TACR1: variants seen among roughly 807,000 people sequenced by gnomAD.
The protein encoded by TACR1 is substance-P receptor.
TACR1 carries 25 observed loss-of-function variants against 35.8 expected under a neutral mutation model. The ratio of observed to expected loss-of-function variants is 0.70; its 90% confidence interval spans 0.51 to 0.98. The LOEUF is 0.98. TACR1 is among the 50% of genes least tolerant of loss of function. TACR1 has a pLI of 0.00. For missense variants in TACR1, 478 were observed against 522.9 expected (o/e 0.91, Z 0.84); for synonymous variants, 195 against 206.7 (o/e 0.94, Z 0.48).
chr2:75,122,200 G>T (rs1461148855), intron 1 of TACR1, among the ~76,000 whole-genome samples: 4 of 152,170 alleles, frequency 2.6e-5, no homozygotes, highest in Non-Finnish European at 5.9e-5. Flanking sequence ...GGGAGCTGCG[G>T]AGACACTCAA....
chr2:75,128,667 T>C (rs914628095), intron 1 of TACR1, among the ~76,000 whole-genome samples: 9 of 152,138 alleles, frequency 5.9e-5, no homozygotes, highest in Non-Finnish European at 1.0e-4. Context: ...TTTTTCTCCC[T>C]GAAAAGAGCA....
At chr2:75,125,134 C>T (rs1385247807) in intron 1 of TACR1, among the ~76,000 whole-genome samples, 1 of 152,012 alleles carries the variant, frequency 6.6e-6, no homozygotes, top group South Asian at 2.1e-4. Flanking sequence ...CTTGTGCTGA[C>T]CACGCTTCAC....
At chr2:75,162,808 AT>A (rs1040042140) in intron 1 of TACR1, among the ~76,000 whole-genome samples, 3 of 152,336 alleles carry the variant, frequency 2.0e-5, no homozygotes, top group Non-Finnish European at 4.4e-5. Context: ...TGACTCAAAA[AT>A]TTTGTTGATG....
At chr2:75,072,343 T>C (rs1672898509) in intron 2 of TACR1, among the ~76,000 whole-genome samples, 1 of 152,198 alleles carries the variant, frequency 6.6e-6, no homozygotes, top group Non-Finnish European at 1.5e-5. Context: ...AGAGAAGTGC[T>C]GAAAGATCGC....
chr2:75,158,545 T>C (rs181620989), intron 1 of TACR1, among the ~76,000 whole-genome samples: 1 of 152,318 alleles, frequency 6.6e-6, no homozygotes, highest in East Asian at 1.9e-4. Flanking sequence ...AATCTGTTAG[T>C]AGTTAGCAGC....
chr2:75,133,879 T>C (rs1674226727), intron 1 of TACR1, among the ~76,000 whole-genome samples: 1 of 152,140 alleles, frequency 6.6e-6, no homozygotes, highest in Non-Finnish European at 1.5e-5. Flanking sequence ...TACAGTTCAT[T>C]AAGACCTTGC....
intron 2 of TACR1, among the ~76,000 whole-genome samples, chr2:75,095,162 A>G (rs571079122): frequency 1.3e-5 from 2 of 152,072 alleles, no homozygotes; most frequent in South Asian, 4.1e-4. Flanking sequence ...AATGTCTGGT[A>G]TCTGTTTAAC....
At chr2:75,142,188 G>C (rs1003332078) in intron 1 of TACR1, among the ~76,000 whole-genome samples, 1 of 152,126 alleles carries the variant, frequency 6.6e-6, no homozygotes, top group Non-Finnish European at 1.5e-5. Flanking sequence ...TCCACCTTCT[G>C]GCTAGCTCGC....
rs115715519 is a variant in TACR1, at chr2:75,103,852, T to C, written c.584+16722A>G. Among the ~76,000 whole-genome samples the C allele has an allele frequency of 6.2e-3, 949 of 152,226 alleles. 10 individuals are homozygous for C. Among genetic ancestry groups the C allele is most frequent in the African/African-American group, 0.022 (913 of 41,554 alleles). On this transcript the variant is annotated intron_variant, in intron 2 of 4. Transcript: ENST00000305249. ...AGTTTCAAATAGACTGTTATAACTG[T>C]CAGATATTTTACATAAGCCTCATGG...
At chr2:75,059,763 T>C (rs1327191316) in intron 2 of TACR1, among the ~76,000 whole-genome samples, 2 of 152,216 alleles carry the variant, frequency 1.3e-5, no homozygotes, top group African/African-American at 2.4e-5. Context: ...CCCCTTTGCA[T>C]TGAGGGCTTT....
chr2:75,157,986 G>C (rs1240456358), intron 1 of TACR1, among the ~76,000 whole-genome samples: 1 of 152,220 alleles, frequency 6.6e-6, no homozygotes, highest in Non-Finnish European at 1.5e-5. Flanking sequence ...GCACACATGA[G>C]TTTGGGAAAT....
intron 1 of TACR1, among the ~76,000 whole-genome samples, chr2:75,131,813 T>C (rs1222657975): frequency 1.3e-5 from 2 of 152,230 alleles, no homozygotes; most frequent in African/African-American, 4.8e-5. Context: ...TGAATTAACC[T>C]AAGTAACAGT....
rs183405304 is a variant in TACR1, at chr2:75,053,766, G to A, written c.585-11C>T. ...ACACAGATGTGGTACCTACAGCAAGGTAAACAGGAAAGGTCAGTATGATAT... is the reference window on the plus strand; with the variant it reads ...ACACAGATGTGGTACCTACAGCAAGATAAACAGGAAAGGTCAGTATGATAT... On this transcript the variant is annotated splice_polypyrimidine_tract_variant and intron_variant, in intron 2 of 4. Coordinates refer to ENST00000305249, the MANE Select transcript of TACR1 (RefSeq NM_001058.4). 2 of 1,614,112 alleles carry A rather than the reference G, an allele frequency of 1.2e-6. No individual in the cohort carries two copies. The highest frequency in any genetic ancestry group is 3.3e-5 in the Admixed American group (2 of 60,024).
chr2:75,140,998 C>G (rs1391383341), intron 1 of TACR1, among the ~76,000 whole-genome samples: 1 of 152,084 alleles, frequency 6.6e-6, no homozygotes, highest in Non-Finnish European at 1.5e-5. Flanking sequence ...TTTTTTCCTT[C>G]TCATTAACAT....
intron 2 of TACR1, among the ~76,000 whole-genome samples, chr2:75,109,247 A>G (rs1673706302): frequency 6.6e-6 from 1 of 152,094 alleles, no homozygotes; most frequent in South Asian, 2.1e-4. Context: ...CATTGGCTTG[A>G]ATATTTGGAG....
At chr2:75,115,489 A>G (rs572010283) in intron 2 of TACR1, among the ~76,000 whole-genome samples, 2 of 152,314 alleles carry the variant, frequency 1.3e-5, no homozygotes, top group Admixed American at 1.3e-4. Flanking sequence ...TTCTTGCATG[A>G]TATATATAAA....
At chr2:75,066,965 C>A (rs1170345000) in intron 2 of TACR1, among the ~76,000 whole-genome samples, 5 of 152,166 alleles carry the variant, frequency 3.3e-5, no homozygotes, top group Admixed American at 1.3e-4. Flanking sequence ...TTTTATGCAA[C>A]CTCCTCGTCT....
intron 1 of TACR1, among the ~76,000 whole-genome samples, chr2:75,163,948 A>T (rs914343381): frequency 1.3e-5 from 2 of 152,174 alleles, no homozygotes; most frequent in Non-Finnish European, 2.9e-5. Flanking sequence ...GTGATATAAA[A>T]TTATCACCCT....
At chr2:75,135,387 C>T (rs1674258497) in intron 1 of TACR1, among the ~76,000 whole-genome samples, 1 of 152,204 alleles carries the variant, frequency 6.6e-6, no homozygotes, top group Non-Finnish European at 1.5e-5. Context: ...AACACTTGTT[C>T]ACATTCCCCT....
Sources: gnomAD v4.1 joint callset for allele counts (sites outside exome capture counted in the v4.1 genomes callset) on GRCh38, gnomAD v4.1.1 for gene constraint, MANE v1.5 for transcripts, NCBI Gene and HGNC (gene_info 2026-07-23, HGNC 2026-07-21) for gene names.